CACNA1C: variants seen among roughly 807,000 people sequenced by gnomAD.
CACNA1C encodes the protein voltage-dependent L-type calcium channel subunit alpha-1C.
Under a neutral mutation model 229.0 loss-of-function variants are expected in CACNA1C, and 30 were observed. The ratio of observed to expected loss-of-function variants is 0.13; its 90% CI spans 0.10 to 0.18. CACNA1C has a LOEUF of 0.18. Ranked by LOEUF, CACNA1C falls within the 10% of genes least tolerant of loss-of-function variation. The probability of loss-of-function intolerance (pLI) is 1.00; values close to 1 mark genes in which losing one functional copy is unlikely to be tolerated. For missense variants in CACNA1C, 1,658 were observed against 2,845.0 expected (o/e 0.58, Z 9.49); for synonymous variants, 1,114 against 1,132.5 (o/e 0.98, Z 0.33).
At chr12:2,338,295 C>T (rs763041439) in intron 3 of CACNA1C, among the ~76,000 whole-genome samples, 1 of 152,176 alleles carries the variant, frequency 6.6e-6, no homozygotes, top group Non-Finnish European at 1.5e-5. Context: ...AGAAAACGGA[C>T]ATCTGTATAG....
At chr12:2,568,314 A>C (rs1412767670) in intron 13 of CACNA1C, among the ~76,000 whole-genome samples, 1 of 152,112 alleles carries the variant, frequency 6.6e-6, no homozygotes, top group African/African-American at 2.4e-5. Flanking sequence ...ACTGAAAATC[A>C]TAAGGGTTGG....
intron 3 of CACNA1C, among the ~76,000 whole-genome samples, chr12:2,436,512 T>C (rs1308525964): frequency 6.6e-6 from 1 of 151,980 alleles, no homozygotes; most frequent in Non-Finnish European, 1.5e-5. Flanking sequence ...TGGCTGGGGG[T>C]TTGGGCTGAT....
intron 4 of CACNA1C, among the ~76,000 whole-genome samples, chr12:2,450,355 C>G (rs943724614): frequency 6.6e-6 from 1 of 151,686 alleles, no homozygotes; most frequent in Non-Finnish European, 1.5e-5. Flanking sequence ...GAGATCGAGA[C>G]CATCCTGGCT....
intron 14 of CACNA1C, among the ~76,000 whole-genome samples, 165 bp from the exon 15 acceptor site, chr12:2,582,657 A>G (rs1055688196): frequency 2.6e-5 from 4 of 152,218 alleles, no homozygotes; most frequent in African/African-American, 9.6e-5. Flanking sequence ...GGACAGTTCA[A>G]TAGCTCAGAG....
intron 3 of CACNA1C, among the ~76,000 whole-genome samples, chr12:2,320,221 T>G (rs2095906853): frequency 6.6e-6 from 1 of 152,156 alleles, no homozygotes; most frequent in Non-Finnish European, 1.5e-5. Flanking sequence ...CTTCAGGTCC[T>G]GTGGGATCCA....
At chr12:2,483,069 C>T (rs892337471) in intron 5 of CACNA1C, among the ~76,000 whole-genome samples, 2 of 152,240 alleles carry the variant, frequency 1.3e-5, no homozygotes, top group Non-Finnish European at 2.9e-5. Flanking sequence ...GAGTCCCTCC[C>T]CACGTGCCTG....
At chr12:2,266,560 T>C (rs1262870280) in intron 3 of CACNA1C, among the ~76,000 whole-genome samples, 1 of 152,202 alleles carries the variant, frequency 6.6e-6, no homozygotes, top group Non-Finnish European at 1.5e-5. Context: ...GGAAGGTGCA[T>C]TGGGTTCCAA....
At chr12:2,344,824 A>G (rs2154523323) in intron 3 of CACNA1C, among the ~76,000 whole-genome samples, 1 of 152,046 alleles carries the variant, frequency 6.6e-6, no homozygotes, top group East Asian at 1.9e-4. Context: ...TACTCCATCA[A>G]AACAGTGATA....
At chr12:2,389,519 G>A (rs576403707) in intron 3 of CACNA1C, among the ~76,000 whole-genome samples, 1 of 152,342 alleles carries the variant, frequency 6.6e-6, no homozygotes, top group South Asian at 2.1e-4. Flanking sequence ...CCTGTCCTCT[G>A]TGAGTGAAAG....
chr12:2,145,050 T>C (rs1317615187), intron 3 of CACNA1C, among the ~76,000 whole-genome samples: 1 of 151,248 alleles, frequency 6.6e-6, no homozygotes, highest in Non-Finnish European at 1.5e-5. Flanking sequence ...AACTGAAAAC[T>C]CAATTAGCAT....
At chr12:2,538,714 T>C (rs1436287550) in intron 9 of CACNA1C, among the ~76,000 whole-genome samples, 1 of 152,214 alleles carries the variant, frequency 6.6e-6, no homozygotes, top group Non-Finnish European at 1.5e-5. Flanking sequence ...CAAACACATA[T>C]GAAGAGTTCC....
chr12:2,027,037 A>G (rs1299680537), intron 1 of CACNA1C, among the ~76,000 whole-genome samples: 1 of 152,220 alleles, frequency 6.6e-6, no homozygotes, highest in Non-Finnish European at 1.5e-5. Flanking sequence ...CCAAAGAAAG[A>G]TACTGTGATA....
At chr12:1,995,615 C>G (rs2040609985) in intron 1 of CACNA1C, among the ~76,000 whole-genome samples, 2 of 152,196 alleles carry the variant, frequency 1.3e-5, no homozygotes, top group South Asian at 4.1e-4. Flanking sequence ...TGGAACAGAC[C>G]TTCCTCCCCT....
At chr12:1,987,795 C>G (rs1406121658) in intron 1 of CACNA1C, among the ~76,000 whole-genome samples, 1 of 152,148 alleles carries the variant, frequency 6.6e-6, no homozygotes, top group African/African-American at 2.4e-5. Context: ...TTATGATTTG[C>G]AGAGCTACAT....
intron 3 of CACNA1C, among the ~76,000 whole-genome samples, chr12:2,252,659 G>C (rs914833839): frequency 2.6e-5 from 4 of 152,182 alleles, no homozygotes; most frequent in Non-Finnish European, 4.4e-5. Flanking sequence ...AGATTATTCA[G>C]GTTCTATGTA....
intron 1 of CACNA1C, among the ~76,000 whole-genome samples, chr12:2,060,194 G>A (rs993676098): frequency 2.6e-4 from 40 of 152,126 alleles, no homozygotes; most frequent in Admixed American, 3.3e-4. Flanking sequence ...GCCCCTTTGC[G>A]AGAGTGGGAT....
intron 8 of CACNA1C, among the ~76,000 whole-genome samples, chr12:2,506,953 G>A (rs2099773206): frequency 6.6e-6 from 1 of 152,196 alleles, no homozygotes; most frequent in Admixed American, 6.5e-5. Context: ...GTGAAGTCAA[G>A]TGACAGAAAC....
chr12:2,451,921 T>G (rs767907152), intron 4 of CACNA1C, among the ~76,000 whole-genome samples: 1 of 152,206 alleles, frequency 6.6e-6, no homozygotes, highest in Non-Finnish European at 1.5e-5. Context: ...GGGCTCTTCA[T>G]CCTGTCTAAA....
chr12:2,668,825 G>T (rs1443932303), intron 37 of CACNA1C, 108 bp from the exon 38 acceptor site: 3 of 728,950 alleles, frequency 4.1e-6, no homozygotes, highest in African/African-American at 1.7e-5. Context: ...TTCAACATGA[G>T]ATTTGGGCGA....
Sources: allele counts gnomAD v4.1 joint callset (sites outside exome capture counted in the v4.1 genomes callset), GRCh38; gene constraint gnomAD v4.1.1; transcripts MANE v1.5; gene names NCBI Gene and HGNC (gene_info 2026-07-23, HGNC 2026-07-21).